PALLD: variants seen among roughly 807,000 people sequenced by gnomAD.
PALLD encodes palladin.
In PALLD, 61 loss-of-function variants were observed where a neutral mutation model predicts 123.5. That is an observed-to-expected ratio of 0.49 (90% confidence interval 0.40 to 0.61). The LOEUF is 0.61. Ranked by LOEUF, PALLD falls within the 20% of genes least tolerant of loss-of-function variation. The pLI, the probability that PALLD is intolerant of heterozygous loss-of-function variation, is 0.00. For synonymous variants in PALLD, 465 were observed against 496.4 expected (o/e 0.94, Z 0.84); for missense variants, 1,273 against 1,377.0 (o/e 0.92, Z 1.20).
intron 10 of PALLD, among the ~76,000 whole-genome samples, chr4:168,770,625 C>T (rs535131949): frequency 6.6e-6 from 1 of 152,322 alleles, no homozygotes; most frequent in South Asian, 2.1e-4. Flanking sequence ...AATTGTTCTA[C>T]CCTCTCCAAA....
intron 10 of PALLD, among the ~76,000 whole-genome samples, chr4:168,734,386 A>C (rs763602526): frequency 1.4e-4 from 21 of 152,138 alleles, no homozygotes; most frequent in Non-Finnish European, 2.1e-4. Context: ...TCAAACATCC[A>C]CATAGAATGT....
At chr4:168,743,152 G>A (rs1402476125) in intron 10 of PALLD, among the ~76,000 whole-genome samples, 2 of 152,174 alleles carry the variant, frequency 1.3e-5, no homozygotes, top group Non-Finnish European at 1.5e-5. Context: ...CAGAGATTGT[G>A]TTATATCTTA....
intron 2 of PALLD, among the ~76,000 whole-genome samples, chr4:168,623,574 G>C (rs1032675851): frequency 6.6e-6 from 1 of 152,138 alleles, no homozygotes; most frequent in Non-Finnish European, 1.5e-5. Flanking sequence ...GGATGGAGGC[G>C]GCGAACTGCC....
At chr4:168,518,653 G>A (rs1763238979) in intron 2 of PALLD, among the ~76,000 whole-genome samples, 1 of 152,074 alleles carries the variant, frequency 6.6e-6, no homozygotes, top group Non-Finnish European at 1.5e-5. Flanking sequence ...TTTACAATAT[G>A]GCCTCCTATA....
chr4:168,668,065 G>T (rs745506574), intron 2 of PALLD, 125 bp from the exon 3 acceptor site: 72 of 639,498 alleles, frequency 1.1e-4, no homozygotes, highest in African/African-American at 9.3e-4. Context: ...CACTGACATT[G>T]TTTTTTTTTT....
At chr4:168,872,199 A>C (rs1410016289) in intron 10 of PALLD, among the ~76,000 whole-genome samples, 2 of 152,208 alleles carry the variant, frequency 1.3e-5, no homozygotes, top group African/African-American at 4.8e-5. Flanking sequence ...GAATGACTTC[A>C]AATAGAGATC....
intron 14 of PALLD, among the ~76,000 whole-genome samples, chr4:168,902,866 G>A (rs1412675610): frequency 1.3e-5 from 2 of 151,972 alleles, no homozygotes; most frequent in Non-Finnish European, 2.9e-5. Context: ...CAACCTCCTG[G>A]GCTCAAGCAA....
chr4:168,552,774 C>T (rs1766870411), intron 2 of PALLD, among the ~76,000 whole-genome samples: 1 of 152,114 alleles, frequency 6.6e-6, no homozygotes, highest in South Asian at 2.1e-4. Context: ...CTCCCGGGCT[C>T]ATGCGATTGT....
intron 8 of PALLD, among the ~76,000 whole-genome samples, chr4:168,695,904 C>T (rs1783085847): frequency 6.6e-6 from 1 of 151,960 alleles, no homozygotes; most frequent in Non-Finnish European, 1.5e-5. Context: ...ACTTAGAGTC[C>T]CATGAACCAA....
chr4:168,661,317 A>C (rs1258761303), intron 2 of PALLD, among the ~76,000 whole-genome samples: 1 of 152,204 alleles, frequency 6.6e-6, no homozygotes, highest in Admixed American at 6.5e-5. Flanking sequence ...CCCTGCTACT[A>C]GTCTCATGAA....
Position 168,545,461 on chromosome 4 carries a change from G to A in PALLD, c.908+33049G>A, listed in dbSNP as rs552267615. ...GGAGAATCACTTGAACCCAGGAGGC[G>A]GAGGTTGCAGTGAGCCGAGATTGCA... On this transcript the variant is annotated intron_variant, in intron 2 of 21. Transcript: ENST00000505667. Among the ~76,000 whole-genome samples the A allele has an allele frequency of 1.1e-4, 17 of 152,022 alleles. 1 individual carries two copies. Among genetic ancestry groups the A allele is most frequent in the South Asian group, 1.0e-3 (5 of 4,806 alleles).
At chr4:168,724,723 C>T (rs62333915) in intron 10 of PALLD, among the ~76,000 whole-genome samples, 5,557 of 152,208 alleles carry the variant, frequency 0.037, 169 homozygotes, top group South Asian at 0.088. Context: ...ACCATAATTA[C>T]GATCAGAACC....
At position 168,891,077 on chromosome 4, in the gene PALLD, C is replaced by T; in HGVS notation, c.2100+20C>T. The T allele has an allele frequency of 6.2e-7, 1 of 1,613,714 alleles. No homozygotes were observed. The highest frequency in any genetic ancestry group is 8.5e-7 in the Non-Finnish European group (1 of 1,179,674). On this transcript the variant is annotated intron_variant, in intron 11 of 21. Transcript: ENST00000505667. ...CAGCCGGTACTGATAGATTTGGGAC[C>T]TGGACTTGGAATGTTAGCTACCCAC...
intron 10 of PALLD, among the ~76,000 whole-genome samples, chr4:168,868,271 G>A (rs1750607332): frequency 6.6e-6 from 1 of 152,156 alleles, no homozygotes; most frequent in Admixed American, 6.5e-5. Context: ...AAGGGCAAGA[G>A]GATTGTGACT....
intron 2 of PALLD, 50 bp downstream of exon 2, chr4:168,512,462 T>C (rs771023326): frequency 1.1e-5 from 16 of 1,504,486 alleles, no homozygotes; most frequent in Non-Finnish European, 1.5e-5. Flanking sequence ...GACTTTGGTG[T>C]TACTTTAATA....
At chr4:168,771,191 T>C (rs17708307) in intron 10 of PALLD, among the ~76,000 whole-genome samples, 56,943 of 152,022 alleles carry the variant, frequency 0.37, 11,847 homozygotes, top group East Asian at 0.55. Flanking sequence ...ATGATTATCA[T>C]ATCCCTTTGG....
At chr4:168,907,936 T>C (rs1467394541) in intron 15 of PALLD, among the ~76,000 whole-genome samples, 3 of 152,144 alleles carry the variant, frequency 2.0e-5, no homozygotes, top group Non-Finnish European at 2.9e-5. Context: ...CAAAGATCAG[T>C]TGACACTCCC....
At chr4:168,866,646 G>A (rs902970607) in intron 10 of PALLD, among the ~76,000 whole-genome samples, 1 of 152,164 alleles carries the variant, frequency 6.6e-6, no homozygotes, top group African/African-American at 2.4e-5. Context: ...TATAATGAAC[G>A]CTAGTTGATG....
intron 3 of PALLD, among the ~76,000 whole-genome samples, chr4:168,674,339 A>G (rs570659101): frequency 1.3e-5 from 2 of 152,306 alleles, no homozygotes; most frequent in East Asian, 3.9e-4. Flanking sequence ...GAGCATCAGG[A>G]TATAGATGGT....
Sources: allele counts gnomAD v4.1 joint callset (sites outside exome capture counted in the v4.1 genomes callset), GRCh38; gene constraint gnomAD v4.1.1; transcripts MANE v1.5; gene names NCBI Gene and HGNC (gene_info 2026-07-23, HGNC 2026-07-21).